IHO1: variants seen among roughly 807,000 people sequenced by gnomAD.
The protein encoded by IHO1 is interactor of HORMAD1 protein 1.
Under a neutral mutation model 31.0 loss-of-function variants are expected in IHO1, and 13 were observed. The observed-to-expected ratio is 0.42, with a 90% CI of 0.27 to 0.67. The LOEUF (loss-of-function observed/expected upper bound fraction) is 0.67, where lower values mean the gene tolerates loss of function less well. IHO1 is among the 30% of genes least tolerant of loss of function. The probability of loss-of-function intolerance (pLI) is 0.24; values close to 1 mark genes in which losing one functional copy is unlikely to be tolerated. For synonymous variants in IHO1, 221 were observed against 248.4 expected, an observed-to-expected ratio of 0.89 and a Z score of 1.04; for missense variants, 599 against 687.5, an observed-to-expected ratio of 0.87 and a Z score of 1.44.
At chr3:49,239,427 G>A (rs780826007) in intron 3 of IHO1, among the ~76,000 whole-genome samples, 22 of 147,886 alleles carry the variant, frequency 1.5e-4, no homozygotes, top group East Asian at 8.3e-4. Context: ...GACTATGGGC[G>A]TGCACCACCA....
chr3:49,254,290 ATG>A (rs142967106), intron 6 of IHO1, among the ~76,000 whole-genome samples: 44 of 150,622 alleles, frequency 2.9e-4, no homozygotes, highest in Non-Finnish European at 4.7e-4. Flanking sequence ...CATTAAATAA[ATG>A]TGTGTGTGTG....
intron 1 of IHO1, among the ~76,000 whole-genome samples, chr3:49,208,558 G>A (rs1202920793): frequency 6.6e-6 from 1 of 152,142 alleles, no homozygotes; most frequent in Non-Finnish European, 1.5e-5. Flanking sequence ...TGTCCCTGGT[G>A]CCAAAAAGGT....
upstream of IHO1, among the ~76,000 whole-genome samples, chr3:49,193,655 CAAAA>C (rs71077770): frequency 8.0e-5 from 2 of 24,998 alleles, no homozygotes; most frequent in East Asian, 1.2e-3. Flanking sequence ...GAGACTCTAC[CAAAA>C]AAAAAAAAAA....
chr3:49,219,250 A>C (rs560108656), intron 2 of IHO1, among the ~76,000 whole-genome samples: 49 of 152,170 alleles, frequency 3.2e-4, no homozygotes, highest in Non-Finnish European at 5.6e-4. Context: ...CCCACGCTGA[A>C]GGTGGTGGGT....
In IHO1 at chr3:49,256,893, A is replaced by G. The variant is rs951835846; in HGVS notation, c.1396A>G (p.Ile466Val). 6 of 1,614,008 alleles carry G rather than the reference A, an allele frequency of 3.7e-6. No individual in the cohort carries two copies. Among genetic ancestry groups the G allele is most frequent in the Non-Finnish European group, 4.2e-6 (5 of 1,180,006 alleles). ...AGCCAGCAAGCAAAAACAAATCCCAATCCAGACCTGTAAATTCAATTCCAA... is the reference window on the plus strand; with the variant it reads ...AGCCAGCAAGCAAAAACAAATCCCAGTCCAGACCTGTAAATTCAATTCCAA... Reference protein sequence around the residue: ...LIASKQKQIPIQTCKFNSKYQ... With the variant: ...LIASKQKQIPVQTCKFNSKYQ... The change falls in exon 8 of 8, where the codon ATC (isoleucine) becomes GTC (valine). Residue 466 changes from isoleucine to valine, a missense_variant. Coordinates refer to ENST00000452691, the MANE Select transcript of IHO1 (RefSeq NM_001135197.2). This position sits in a 1 kb window ranked among gnomAD's most constrained non-coding sequence, Gnocchi z 4.6.
At chr3:49,238,485 T>C (rs1644574660) in intron 3 of IHO1, among the ~76,000 whole-genome samples, 1 of 152,124 alleles carries the variant, frequency 6.6e-6, no homozygotes, top group Non-Finnish European at 1.5e-5. Flanking sequence ...GGCTTGACTT[T>C]TATACACATT....
upstream of IHO1, among the ~76,000 whole-genome samples, chr3:49,197,022 C>T (rs192678706): frequency 6.7e-4 from 99 of 146,974 alleles, no homozygotes; most frequent in African/African-American, 2.1e-3. Context: ...GCTCTGTTGC[C>T]CAGGCTGGAG....
At chr3:49,202,199 T>G (rs2046078260) in intron 1 of IHO1, among the ~76,000 whole-genome samples, 1 of 152,118 alleles carries the variant, frequency 6.6e-6, no homozygotes, top group East Asian at 1.9e-4. Context: ...TGATGTAGTG[T>G]TACATTAGAA....
chr3:49,196,011 G>T (rs571746223), upstream of IHO1, among the ~76,000 whole-genome samples: 21 of 150,888 alleles, frequency 1.4e-4, no homozygotes, highest in East Asian at 3.9e-3. Flanking sequence ...CGAGGCGGGC[G>T]GATCACAAGG....
chr3:49,224,777 G>A lies in IHO1; in HGVS notation c.57-11771G>A, dbSNP rs149016091. Among the ~76,000 whole-genome samples, 930 of 152,324 alleles carry A rather than the reference G, an allele frequency of 6.1e-3. 5 individuals carry two copies. Among genetic ancestry groups the A allele is most frequent in the African/African-American group, 0.022 (902 of 41,568 alleles). ...TATCATCTTGAGCGGCATAAGTCTG[G>A]ACTATAATTTGTTGGCAGTCACACT... On this transcript the variant is annotated intron_variant, in intron 2 of 7. Transcript: ENST00000452691.
At chr3:49,209,986 G>A (rs886588637) in intron 1 of IHO1, among the ~76,000 whole-genome samples, 1 of 151,218 alleles carries the variant, frequency 6.6e-6, no homozygotes, top group Admixed American at 6.6e-5. Flanking sequence ...AAAGTGCTGG[G>A]ATTACAGGCA....
At chr3:49,200,475 A>AAAAAAAGAAAGAAAGAAAGAAAG (rs1553615439) in intron 1 of IHO1, 13 of 103,866 alleles carry the variant, frequency 1.3e-4, no homozygotes, top group African/African-American at 5.5e-4. Flanking sequence ...AAAAAAAAAA[A>AAAAAAAGAAAGAAAGAAAGAAAG]AAAGAAAGAA....
chr3:49,196,639 C>T (rs531128944), upstream of IHO1, among the ~76,000 whole-genome samples: 137 of 151,438 alleles, frequency 9.0e-4, no homozygotes, highest in African/African-American at 3.0e-3. Flanking sequence ...TGCGCCACCA[C>T]ACCTGGCTAA....
At chr3:49,206,761 A>G (rs1295661312) in intron 1 of IHO1, among the ~76,000 whole-genome samples, 1 of 151,918 alleles carries the variant, frequency 6.6e-6, no homozygotes, top group Non-Finnish European at 1.5e-5. Flanking sequence ...GGCTGGATGC[A>G]GTGGCACACA....
the IHO1 span, chr3:49,191,961 C>T: frequency 1.6e-6 from 1 of 624,746 alleles, no homozygotes; most frequent in Non-Finnish European, 2.8e-6. Flanking sequence ...TGCCCTAGTT[C>T]TTCTCTGTGA....
At chr3:49,240,351 G>A (rs766246970) in intron 3 of IHO1, among the ~76,000 whole-genome samples, 1 of 152,228 alleles carries the variant, frequency 6.6e-6, no homozygotes, top group Non-Finnish European at 1.5e-5. Context: ...AGCCTCCTGA[G>A]TAGTTGGGAT....
chr3:49,206,164 C>T (rs2046133940), intron 1 of IHO1, among the ~76,000 whole-genome samples: 1 of 152,140 alleles, frequency 6.6e-6, no homozygotes, highest in Non-Finnish European at 1.5e-5. Context: ...CGGGGTTTCA[C>T]CATGTTAGCC....
intron 1 of IHO1, among the ~76,000 whole-genome samples, chr3:49,202,372 C>CTAGA (rs1267864992): frequency 6.9e-6 from 1 of 144,108 alleles, no homozygotes; most frequent in Non-Finnish European, 1.5e-5. Flanking sequence ...GTCGCCCAGG[C>CTAGA]TAGAGTGCAG....
At chr3:49,229,759 CT>C (rs2046459551) in intron 2 of IHO1, among the ~76,000 whole-genome samples, 3 of 152,172 alleles carry the variant, frequency 2.0e-5, no homozygotes, top group Non-Finnish European at 4.4e-5. Context: ...GGTAAAGCCC[CT>C]GAAGTATATC....
Sources: allele counts gnomAD v4.1 joint callset (sites outside exome capture counted in the v4.1 genomes callset), GRCh38; gene constraint gnomAD v4.1.1; non-coding constraint Gnocchi (gnomAD v3.1); transcripts MANE v1.5; gene names NCBI Gene and HGNC (gene_info 2026-07-23, HGNC 2026-07-21).